ADARB2: variants seen among roughly 807,000 people sequenced by gnomAD.
ADARB2 encodes the protein adenosine deaminase RNA specific B2 (inactive), also known as inactive double-stranded RNA-specific editase B2.
ADARB2 carries 25 observed loss-of-function variants against 62.2 expected under a neutral mutation model. The ratio of observed to expected loss-of-function variants is 0.40; its 90% confidence interval spans 0.29 to 0.56. The LOEUF (loss-of-function observed/expected upper bound fraction) is 0.56. Among genes scored for constraint, ADARB2 ranks in the 20% least tolerant of loss-of-function variants. The probability of loss-of-function intolerance (pLI) is 0.43; values close to 1 mark genes in which losing one functional copy is unlikely to be tolerated. For synonymous variants in ADARB2, 572 were observed against 500.8 expected (o/e 1.14, Z -1.90); for missense variants, 1,071 against 1,077.4 (o/e 0.99, Z 0.08).
intron 6 of ADARB2, among the ~76,000 whole-genome samples, chr10:1,226,313 A>AT (rs1056320057): frequency 2.0e-5 from 3 of 151,604 alleles, no homozygotes; most frequent in African/African-American, 2.4e-5. Context: ...CATTCATCTA[A>AT]TTTTTTTTCA....
chr10:1,263,074 T>G (rs561276302), intron 4 of ADARB2, among the ~76,000 whole-genome samples: 1 of 133,244 alleles, frequency 7.5e-6, no homozygotes, highest in Non-Finnish European at 1.5e-5. Context: ...AGGTGGGAAT[T>G]GAACAATGAG....
chr10:1,458,407 T>C (rs956010056), intron 1 of ADARB2, among the ~76,000 whole-genome samples: 1 of 152,202 alleles, frequency 6.6e-6, no homozygotes, highest in Non-Finnish European at 1.5e-5. Flanking sequence ...AATTGAGGCT[T>C]TTCTATGAAA....
intron 3 of ADARB2, among the ~76,000 whole-genome samples, chr10:1,277,932 G>GCTTC (rs112142041): frequency 5.7e-4 from 86 of 151,528 alleles, no homozygotes; most frequent in Middle Eastern, 3.4e-3. Flanking sequence ...CTTTCTTTCT[G>GCTTC]CTTCCTTCCT....
At chr10:1,573,584 G>A (rs546991643) in intron 1 of ADARB2, among the ~76,000 whole-genome samples, 13 of 152,138 alleles carry the variant, frequency 8.5e-5, no homozygotes, top group Non-Finnish European at 1.3e-4. Context: ...CAGTGGCCAC[G>A]GCGGCCTCCC....
intron 1 of ADARB2, among the ~76,000 whole-genome samples, chr10:1,485,041 G>C (rs1341580382): frequency 2.6e-5 from 4 of 152,092 alleles, no homozygotes; most frequent in Non-Finnish European, 5.9e-5. Context: ...TGGATTTGTA[G>C]GTGCGCTTGC....
At chr10:1,665,460 C>A (rs899777310) in intron 1 of ADARB2, among the ~76,000 whole-genome samples, 1 of 152,236 alleles carries the variant, frequency 6.6e-6, no homozygotes, top group Non-Finnish European at 1.5e-5. Context: ...TGGGCCCACC[C>A]GAGAGGACCT....
At chr10:1,298,841 G>A (rs992477558) in intron 3 of ADARB2, among the ~76,000 whole-genome samples, 2 of 140,794 alleles carry the variant, frequency 1.4e-5, no homozygotes, top group Non-Finnish European at 3.0e-5. Flanking sequence ...TGGGGCTCAA[G>A]TGATCCTCTC....
At chr10:1,208,207 G>C (rs1348011899) in intron 7 of ADARB2, among the ~76,000 whole-genome samples, 1 of 152,222 alleles carries the variant, frequency 6.6e-6, no homozygotes, top group Non-Finnish European at 1.5e-5. Context: ...ATTTCCTGAA[G>C]ACCGGATAGG....
intron 1 of ADARB2, among the ~76,000 whole-genome samples, chr10:1,670,428 A>G (rs2119100522): frequency 6.6e-6 from 1 of 152,368 alleles, no homozygotes; most frequent in South Asian, 2.1e-4. Flanking sequence ...TCATCAGCTT[A>G]TAAACTGAGA....
intron 1 of ADARB2, among the ~76,000 whole-genome samples, chr10:1,468,275 G>C (rs979592226): frequency 1.6e-4 from 25 of 152,186 alleles, no homozygotes; most frequent in Non-Finnish European, 2.9e-4. Flanking sequence ...GGCCCAGGGT[G>C]GGGTGTTGCT....
intron 1 of ADARB2, among the ~76,000 whole-genome samples, chr10:1,732,361 G>T (rs139449180): frequency 2.7e-5 from 4 of 149,642 alleles, no homozygotes; most frequent in Admixed American, 2.7e-4. Context: ...TACGTAATGC[G>T]CTTCTGAGAT....
chr10:1,621,305 G>A (rs7901139), intron 1 of ADARB2, among the ~76,000 whole-genome samples: 29,015 of 152,018 alleles, frequency 0.19, 2,918 homozygotes, highest in East Asian at 0.34. Context: ...CATATCAATC[G>A]TCTTTTTATA....
chr10:1,594,038 T>C (rs1833300884), intron 1 of ADARB2, among the ~76,000 whole-genome samples: 1 of 152,124 alleles, frequency 6.6e-6, no homozygotes, highest in South Asian at 2.1e-4. Flanking sequence ...ATGCTTGTAA[T>C]CCCAGCACTT....
At chr10:1,282,294 C>T (rs970274087) in intron 3 of ADARB2, among the ~76,000 whole-genome samples, 7 of 152,226 alleles carry the variant, frequency 4.6e-5, no homozygotes, top group African/African-American at 1.7e-4. Context: ...ATAACCAACA[C>T]AGCTTTCAAC....
intron 4 of ADARB2, among the ~76,000 whole-genome samples, chr10:1,249,197 T>C (rs535513816): frequency 8.5e-5 from 13 of 152,280 alleles, no homozygotes; most frequent in African/African-American, 3.1e-4. Flanking sequence ...ATCCCAGCAC[T>C]TTGGGAGGCT....
At chr10:1,600,741 A>G (rs1354743868) in intron 1 of ADARB2, among the ~76,000 whole-genome samples, 2 of 151,690 alleles carry the variant, frequency 1.3e-5, no homozygotes, top group Admixed American at 6.6e-5. Flanking sequence ...CTCCGACTAG[A>G]AGGAGTCCCA....
At chr10:1,708,467 TG>T (rs2119149297) in intron 1 of ADARB2, among the ~76,000 whole-genome samples, 1 of 152,350 alleles carries the variant, frequency 6.6e-6, no homozygotes, top group South Asian at 2.1e-4. Flanking sequence ...TGAATATGTT[TG>T]CCTCCTTCCT....
chr10:1,399,841 C>G (rs1028932960), intron 1 of ADARB2, among the ~76,000 whole-genome samples: 2 of 152,156 alleles, frequency 1.3e-5, no homozygotes, highest in Admixed American at 1.3e-4. Flanking sequence ...GAAAACCCAG[C>G]AGGGGGCTGC....
chr10:1,305,476 A>G (rs1286457158), intron 3 of ADARB2, among the ~76,000 whole-genome samples: 1 of 151,796 alleles, frequency 6.6e-6, no homozygotes, highest in Non-Finnish European at 1.5e-5. Flanking sequence ...CAGAGGTACA[A>G]GGAGGAACTG....
Sources: gnomAD v4.1 joint callset for allele counts (sites outside exome capture counted in the v4.1 genomes callset) on GRCh38, gnomAD v4.1.1 for gene constraint, MANE v1.5 for transcripts, NCBI Gene and HGNC (gene_info 2026-07-23, HGNC 2026-07-21) for gene names.